The following HERC4 variants were observed in gnomAD, a reference collection of about 807,000 sequenced individuals.
The protein encoded by HERC4 is probable E3 ubiquitin-protein ligase HERC4.
HERC4 carries 28 observed loss-of-function variants against 124.3 expected under a neutral mutation model. That is an observed-to-expected ratio of 0.23 (90% CI 0.17 to 0.31). The LOEUF is 0.31. HERC4 is among the 10% of genes least tolerant of loss of function. The pLI, the probability that HERC4 is intolerant of heterozygous loss-of-function variation, is 1.00. For missense variants in HERC4, 713 were observed against 1,229.3 expected, an observed-to-expected ratio of 0.58 and a Z score of 6.28; for synonymous variants, 407 against 421.5, an observed-to-expected ratio of 0.97 and a Z score of 0.42.
chr10:67,923,573 T>G (rs1358498466), intron 24 of HERC4, among the ~76,000 whole-genome samples: 1 of 152,176 alleles, frequency 6.6e-6, no homozygotes, highest in Non-Finnish European at 1.5e-5. Context: ...TCATTCTTTT[T>G]TTTTTGAGAC....
intron 15 of HERC4, among the ~76,000 whole-genome samples, chr10:67,983,012 C>A (rs1166685313): frequency 1.7e-4 from 25 of 147,794 alleles, no homozygotes; most frequent in African/African-American, 6.1e-4. Context: ...CCTGTAGTCC[C>A]AGTTAATTGG....
intron 9 of HERC4, among the ~76,000 whole-genome samples, chr10:67,996,313 AC>A (rs72512850): frequency 7.5e-4 from 7 of 9,316 alleles, no homozygotes; most frequent in East Asian, 0.029. Flanking sequence ...CTTGAAATAG[AC>A]ACCCCCCCTG....
At chr10:67,934,552 TG>T (rs1301518633) in intron 22 of HERC4, among the ~76,000 whole-genome samples, 1 of 152,200 alleles carries the variant, frequency 6.6e-6, no homozygotes, top group Non-Finnish European at 1.5e-5. Flanking sequence ...TTTAATTCCT[TG>T]TTTTGGTAGA....
intron 15 of HERC4, among the ~76,000 whole-genome samples, chr10:67,987,142 A>C (rs1055068005): frequency 6.6e-6 from 1 of 152,224 alleles, no homozygotes; most frequent in East Asian, 1.9e-4. Context: ...GAGTCCATCA[A>C]AAAGGTCTTT....
chr10:67,941,218 A>AG (rs2032857093), intron 19 of HERC4, 113 bp from the exon 20 acceptor site: 2 of 689,392 alleles, frequency 2.9e-6, no homozygotes, highest in African/African-American at 1.9e-5. Flanking sequence ...AAAGTAATAA[A>AG]TAACAAAAGT....
intron 19 of HERC4, among the ~76,000 whole-genome samples, chr10:67,951,391 A>C (rs530525527): frequency 6.6e-6 from 1 of 152,354 alleles, no homozygotes. Flanking sequence ...CAGAACAAAT[A>C]CAAAGCCTCG....
intron 15 of HERC4, among the ~76,000 whole-genome samples, chr10:67,983,962 CA>C (rs1230641952): frequency 6.7e-6 from 1 of 149,644 alleles, no homozygotes; most frequent in African/African-American, 2.5e-5. Flanking sequence ...GATTCCATCT[CA>C]AAAAAAAAGA....
chr10:68,005,735 G>A (rs748980054), intron 9 of HERC4, among the ~76,000 whole-genome samples: 10 of 150,744 alleles, frequency 6.6e-5, no homozygotes, highest in Non-Finnish European at 1.5e-4. Context: ...ACATGGTCTT[G>A]CTCTACTGCC....
intron 3 of HERC4, among the ~76,000 whole-genome samples, chr10:68,050,332 T>C (rs996406330): frequency 2.6e-5 from 4 of 152,230 alleles, no homozygotes; most frequent in African/African-American, 9.6e-5. Context: ...TGAATATATA[T>C]TGTCTTTTCA....
At chr10:68,064,880 G>A (rs1410564853) in intron 3 of HERC4, among the ~76,000 whole-genome samples, 1 of 151,570 alleles carries the variant, frequency 6.6e-6, no homozygotes, top group African/African-American at 2.4e-5. Flanking sequence ...GCTGAGACAG[G>A]AGAATCGCTT....
chr10:68,040,144 A>G, intron 4 of HERC4: 1 of 974,494 alleles, frequency 1.0e-6, no homozygotes, highest in Non-Finnish European at 1.2e-6. Context: ...AGGCTTTAGT[A>G]TTAGTCATAA....
intron 20 of HERC4, 80 bp downstream of exon 20, chr10:67,940,859 A>G (rs768163781): frequency 4.8e-5 from 57 of 1,190,688 alleles, no homozygotes; most frequent in Non-Finnish European, 6.4e-5. Flanking sequence ...ATATTTTTTC[A>G]TAGAAGGAAA....
chr10:67,977,432 G>A (rs1235775601), intron 15 of HERC4, among the ~76,000 whole-genome samples: 4 of 152,118 alleles, frequency 2.6e-5, no homozygotes, highest in Non-Finnish European at 5.9e-5. Flanking sequence ...AGGTACAAAG[G>A]CCTTGAGTGA....
intron 15 of HERC4, among the ~76,000 whole-genome samples, chr10:67,983,123 G>A (rs1038289030): frequency 3.3e-5 from 5 of 151,020 alleles, no homozygotes; most frequent in Admixed American, 1.3e-4. Context: ...ATGAAAAGGC[G>A]CTCAATACCA....
At chr10:67,935,933 C>G (rs2032320035) in intron 22 of HERC4, among the ~76,000 whole-genome samples, 1 of 152,128 alleles carries the variant, frequency 6.6e-6, no homozygotes, top group Non-Finnish European at 1.5e-5. Context: ...CTACTGTTTC[C>G]TGGCTTCCAA....
intron 20 of HERC4, among the ~76,000 whole-genome samples, chr10:67,940,513 G>A (rs1466042136): frequency 6.6e-6 from 1 of 151,872 alleles, no homozygotes; most frequent in Non-Finnish European, 1.5e-5. Flanking sequence ...TCCGCCTCCT[G>A]GGTTCAAGCA....
At chr10:68,024,833 T>C (rs1435839769) in intron 8 of HERC4, among the ~76,000 whole-genome samples, 2 of 152,174 alleles carry the variant, frequency 1.3e-5, no homozygotes, top group East Asian at 1.9e-4. Flanking sequence ...ACTCAAAGAC[T>C]CTTCTATTTA....
intron 3 of HERC4, among the ~76,000 whole-genome samples, chr10:68,051,101 C>CAAAAAAAAAAA (rs755520085): frequency 2.1e-5 from 2 of 95,488 alleles, no homozygotes. Flanking sequence ...ACCCAAAGAC[C>CAAAAAAAAAAA]AAAAAAAAAA....
chr10:68,010,408 C>T, intron 9 of HERC4: 2 of 976,938 alleles, frequency 2.0e-6, no homozygotes, highest in Non-Finnish European at 3.2e-6. Context: ...TCAAAATCCT[C>T]TCATGGTGCA....
Sources: gnomAD v4.1 joint callset for allele counts (sites outside exome capture counted in the v4.1 genomes callset) on GRCh38, gnomAD v4.1.1 for gene constraint, MANE v1.5 for transcripts, NCBI Gene and HGNC (gene_info 2026-07-23, HGNC 2026-07-21) for gene names.